Variants in XCR1 observed in about 807,000 individuals in gnomAD.
XCR1 encodes the protein chemokine XC receptor 1.
For missense variants in XCR1, 356 were observed against 424.2 expected (o/e 0.84, Z 1.41); for synonymous variants, 187 against 188.5 (o/e 0.99, Z 0.06).
In XCR1 at chr3:46,082,659, T is replaced by TAA. The variant is rs35864744; in HGVS notation, c.-515+3133_-515+3134dup. Among the ~76,000 whole-genome samples the TAA allele has an allele frequency of 1.5e-3, 228 of 148,808 alleles. 1 individual carries two copies. Among genetic ancestry groups the TAA allele is most frequent in the Middle Eastern group, 7.0e-3 (2 of 284 alleles). On this transcript the variant is annotated intron_variant, in intron 1 of 5. Transcript: ENST00000683768. ...AAGTGCACCACCACACCCAGCTAAT[T>TAA]AAAAAAAAAATTGTAGAGAAGGGTC...
At chr3:46,081,691 T>G (rs528397543) in intron 1 of XCR1, among the ~76,000 whole-genome samples, 9 of 136,948 alleles carry the variant, frequency 6.6e-5, no homozygotes, top group African/African-American at 3.0e-4. Context: ...CTTTTCTTTT[T>G]TTCTTTTTTT....
chr3:46,084,863 G>A (rs377464054), intron 1 of XCR1, among the ~76,000 whole-genome samples: 8 of 152,286 alleles, frequency 5.3e-5, no homozygotes, highest in East Asian at 1.9e-4. Flanking sequence ...CTACCTGGGC[G>A]ATGGCATCAG....
At chr3:46,084,069 C>T (rs1213216548) in intron 1 of XCR1, among the ~76,000 whole-genome samples, 1 of 152,140 alleles carries the variant, frequency 6.6e-6, no homozygotes, top group Non-Finnish European at 1.5e-5. Context: ...CAGAGACTGG[C>T]GATGATGGAG....
intron 1 of XCR1, among the ~76,000 whole-genome samples, chr3:46,084,669 A>T (rs530362027): frequency 2.0e-5 from 3 of 152,326 alleles, no homozygotes; most frequent in African/African-American, 7.2e-5. Context: ...GGAGGCCATT[A>T]TCCTAGGCGA....
chr3:46,051,150 A>G (rs1334121700), intron 5 of XCR1, among the ~76,000 whole-genome samples: 1 of 152,120 alleles, frequency 6.6e-6, no homozygotes, highest in Non-Finnish European at 1.5e-5. Context: ...CTGCTTTTCT[A>G]TCTGTTTTTC....
chr3:46,023,329 C>T (rs1708205242), intron 1 of XCR1: 6 of 1,163,762 alleles, frequency 5.2e-6, no homozygotes, highest in Non-Finnish European at 7.6e-6. Context: ...CAACCTGGCT[C>T]ATCAGCAGAG....
chr3:46,053,407 C>T (rs575932552), intron 5 of XCR1, among the ~76,000 whole-genome samples: 20 of 151,024 alleles, frequency 1.3e-4, no homozygotes, highest in African/African-American at 4.2e-4. Context: ...TTTCTGCCAC[C>T]GAAGGAGGCG....
intron 4 of XCR1, among the ~76,000 whole-genome samples, chr3:46,064,930 A>G (rs368035040): frequency 6.6e-6 from 1 of 152,088 alleles, no homozygotes; most frequent in African/African-American, 2.4e-5. Context: ...CGTCTCTACT[A>G]AAAATACAAG....
At chr3:46,050,273 TG>T (rs1267962490) in intron 5 of XCR1, among the ~76,000 whole-genome samples, 1 of 152,226 alleles carries the variant, frequency 6.6e-6, no homozygotes, top group African/African-American at 2.4e-5. Flanking sequence ...TTGCAGGGTT[TG>T]GTAAAGATGT....
At chr3:46,065,507 A>G (rs1274094798) in intron 4 of XCR1, among the ~76,000 whole-genome samples, 1 of 152,214 alleles carries the variant, frequency 6.6e-6, no homozygotes. Flanking sequence ...CAAATATCAT[A>G]TGATACTCCC....
chr3:46,082,742 G>A (rs116519486), intron 1 of XCR1, among the ~76,000 whole-genome samples: 2 of 151,914 alleles, frequency 1.3e-5, no homozygotes, highest in African/African-American at 4.8e-5. Context: ...CTCCCACCTC[G>A]GCCTCTCAAA....
At chr3:46,043,577 A>G (rs1282839053) in intron 5 of XCR1, among the ~76,000 whole-genome samples, 1 of 152,102 alleles carries the variant, frequency 6.6e-6, no homozygotes, top group Non-Finnish European at 1.5e-5. Flanking sequence ...AAGATCAGGA[A>G]TAAAATAAGA....
At chr3:46,042,688 C>A (rs149787475) in intron 5 of XCR1, among the ~76,000 whole-genome samples, 1 of 152,126 alleles carries the variant, frequency 6.6e-6, no homozygotes, top group African/African-American at 2.4e-5. Flanking sequence ...TCAAAAACTT[C>A]CCAATAAAGA....
At chr3:46,064,062 A>G (rs961695993) in intron 4 of XCR1, among the ~76,000 whole-genome samples, 3 of 152,080 alleles carry the variant, frequency 2.0e-5, no homozygotes, top group Non-Finnish European at 4.4e-5. Context: ...TAGTAGAGAC[A>G]AAGTCTTGCT....
At chr3:46,063,729 C>G (rs576710584) in intron 4 of XCR1, among the ~76,000 whole-genome samples, 1 of 152,186 alleles carries the variant, frequency 6.6e-6, no homozygotes, top group Non-Finnish European at 1.5e-5. Context: ...TGAAAACTCT[C>G]TCACGTCCCC....
At chr3:46,025,282 T>A (rs1708263961) in intron 1 of XCR1, among the ~76,000 whole-genome samples, 1 of 152,196 alleles carries the variant, frequency 6.6e-6, no homozygotes, top group Non-Finnish European at 1.5e-5. Context: ...CTCATGCCTA[T>A]AATTCCAATG....
chr3:46,081,711 A>G (rs550793160), intron 1 of XCR1, among the ~76,000 whole-genome samples: 1 of 145,796 alleles, frequency 6.9e-6, no homozygotes, highest in Admixed American at 6.7e-5. Context: ...TTTTTTAAAA[A>G]TCTTATTCTA....
At chr3:46,037,710 C>T (rs1054703055) in intron 5 of XCR1, among the ~76,000 whole-genome samples, 1 of 151,970 alleles carries the variant, frequency 6.6e-6, no homozygotes, top group African/African-American at 2.4e-5. Flanking sequence ...TAACATTGCT[C>T]ATAGTTAAAG....
intron 1 of XCR1, chr3:46,023,317 C>A (rs1034365477): frequency 1.7e-4 from 177 of 1,025,656 alleles, no homozygotes; most frequent in Non-Finnish European, 3.0e-5. Context: ...GGAAGGACCC[C>A]TCAACCTGGC....
Sources: gnomAD v4.1 joint callset for allele counts (sites outside exome capture counted in the v4.1 genomes callset) on GRCh38, gnomAD v4.1.1 for gene constraint, MANE v1.5 for transcripts, NCBI Gene and HGNC (gene_info 2026-07-23, HGNC 2026-07-21) for gene names.